The following AK9 variants were observed in gnomAD, a reference collection of about 807,000 sequenced individuals.
AK9 encodes the protein adenylate kinase 9.
In AK9, 191 loss-of-function variants were observed where a neutral mutation model predicts 239.6. That is an observed-to-expected ratio of 0.80 (90% CI 0.71 to 0.90). AK9 has a LOEUF of 0.90. AK9 is among the 40% of genes least tolerant of loss of function. The pLI is 0.00. For missense variants in AK9, 1,995 were observed against 2,214.7 expected (o/e 0.90, Z 1.99); for synonymous variants, 689 against 721.0 (o/e 0.96, Z 0.71).
At chr6:109,640,140 T>C (rs1021881533) in intron 10 of AK9, among the ~76,000 whole-genome samples, 2 of 152,212 alleles carry the variant, frequency 1.3e-5, no homozygotes, top group Non-Finnish European at 2.9e-5. Flanking sequence ...GGCTCTTTTT[T>C]GGTTCCATAT....
chr6:109,522,696 T>C (rs1314940212), intron 29 of AK9, among the ~76,000 whole-genome samples: 2 of 152,292 alleles, frequency 1.3e-5, no homozygotes, highest in East Asian at 1.9e-4. Context: ...TTATGATCAA[T>C]TGTTCTGTTT....
intron 12 of AK9, chr6:109,632,614 G>C: frequency 2.6e-6 from 1 of 385,018 alleles, no homozygotes; most frequent in Non-Finnish European, 3.9e-6. Context: ...AAACCCAGGG[G>C]ACAGAAGATG....
At chr6:109,640,997 A>T (rs980706024) in intron 10 of AK9, among the ~76,000 whole-genome samples, 1 of 151,966 alleles carries the variant, frequency 6.6e-6, no homozygotes, top group Non-Finnish European at 1.5e-5. Flanking sequence ...CCTACATGTA[A>T]TTGTTATGAT....
chr6:109,663,600 A>C (rs1439032927), intron 5 of AK9, among the ~76,000 whole-genome samples: 1 of 152,228 alleles, frequency 6.6e-6, no homozygotes, highest in Non-Finnish European at 1.5e-5. Context: ...TGACATTAAC[A>C]AATGTGATTT....
intron 17 of AK9, among the ~76,000 whole-genome samples, chr6:109,589,967 C>G (rs1039676278): frequency 6.6e-6 from 1 of 152,082 alleles, no homozygotes; most frequent in Non-Finnish European, 1.5e-5. Context: ...ATCTGGTTTG[C>G]TAGTATTTTT....
intron 24 of AK9, among the ~76,000 whole-genome samples, chr6:109,561,985 T>C (rs2128181080): frequency 6.6e-6 from 1 of 152,294 alleles, no homozygotes. Context: ...AATCTGAAAT[T>C]TGGAATGCTC....
Position 109,637,189 on chromosome 6 carries a change from T to C in AK9, c.934-3866A>G, listed in dbSNP as rs572003621. On this transcript the variant is annotated intron_variant, in intron 10 of 40. Coordinates refer to ENST00000424296, the MANE Select transcript of AK9 (RefSeq NM_001145128.3). The stretch of plus-strand genomic sequence containing the variant: ...TTCATGTACTTACTGGCTATTTATA[T>C]ATCTTCTTTAGAGAAATGTCTATTC... Among the ~76,000 whole-genome samples the C allele has an allele frequency of 4.6e-5, 7 of 152,352 alleles. No individual in the cohort carries two copies. The East Asian group carries it at 9.6e-4, about 21-fold the overall frequency.
chr6:109,563,959 A>G (rs1372284794), intron 23 of AK9, 121 bp downstream of exon 23: 7 of 1,122,632 alleles, frequency 6.2e-6, no homozygotes, highest in Non-Finnish European at 8.7e-6. Flanking sequence ...TATTTTATAC[A>G]TCAGCCTTGG....
intron 15 of AK9, 98 bp downstream of exon 15, chr6:109,614,085 T>C (rs1342568560): frequency 1.6e-6 from 2 of 1,220,518 alleles, no homozygotes; most frequent in Non-Finnish European, 2.3e-6. Flanking sequence ...AAGTTTCCAA[T>C]TTTGGGGGTA....
rs117314583 is a variant in AK9 at position 109,613,459 on chromosome 6, C to T, written c.1609+724G>A. Among the ~76,000 whole-genome samples the T allele has an allele frequency of 9.3e-3, 1,412 of 151,912 alleles. 7 individuals carry two copies. Among genetic ancestry groups the T allele is most frequent in the Non-Finnish European group, 0.015 (1,007 of 67,850 alleles). On this transcript the variant is annotated intron_variant, in intron 15 of 40. Coordinates refer to ENST00000424296, the MANE Select transcript of AK9 (RefSeq NM_001145128.3). ...ACAGAAAATACTGAGGAAACAATGA[C>T]ATGGATTTTGTATATTACTGGGGAA...
chr6:109,498,474 A>G (rs1024941921), intron 36 of AK9, among the ~76,000 whole-genome samples: 5 of 152,258 alleles, frequency 3.3e-5, no homozygotes, highest in African/African-American at 1.2e-4. Flanking sequence ...TAATTCTGCA[A>G]GGAAATAAAA....
chr6:109,675,194 T>C (rs1345221144), intron 2 of AK9, among the ~76,000 whole-genome samples: 1 of 152,184 alleles, frequency 6.6e-6, no homozygotes, highest in Non-Finnish European at 1.5e-5. Context: ...CATATGCAAA[T>C]CAAGTCTGAA....
intron 21 of AK9, among the ~76,000 whole-genome samples, chr6:109,570,374 C>A (rs949201128): frequency 6.6e-6 from 1 of 151,990 alleles, no homozygotes; most frequent in African/African-American, 2.4e-5. Context: ...CACATGTATA[C>A]ACATGTAACA....
At chr6:109,547,859 A>C (rs1783787425) in intron 25 of AK9, among the ~76,000 whole-genome samples, 1 of 151,852 alleles carries the variant, frequency 6.6e-6, no homozygotes, top group African/African-American at 2.4e-5. Context: ...AAAAAAAAAA[A>C]AAAAAACCCA....
chr6:109,655,178 A>G (rs1335603702), intron 8 of AK9, among the ~76,000 whole-genome samples: 1 of 152,200 alleles, frequency 6.6e-6, no homozygotes, highest in Non-Finnish European at 1.5e-5. Context: ...TATTTGGGGT[A>G]TAAGAGTTCT....
rs1338938914 is a variant in AK9, at chr6:109,580,070, A to G, written c.2115-444T>C. Among the ~76,000 whole-genome samples the G allele has an allele frequency of 6.6e-5, 10 of 152,324 alleles. No individual in the cohort carries two copies. The East Asian group carries it at 1.9e-3, about 29-fold the overall frequency. ...AAAAGTCTAGGAGAAAACCAATCAAATGGTCAACATGGATGATGGCATATA... is the reference window on the plus strand; with the variant it reads ...AAAAGTCTAGGAGAAAACCAATCAAGTGGTCAACATGGATGATGGCATATA... On this transcript the variant is annotated intron_variant, in intron 19 of 40. Coordinates refer to ENST00000424296, the MANE Select transcript of AK9 (RefSeq NM_001145128.3).
At chr6:109,585,296 G>A (rs963807934) in intron 18 of AK9, 59 bp from the exon 19 acceptor site, 2 of 584,916 alleles carry the variant, frequency 3.4e-6, no homozygotes, top group Admixed American at 1.1e-4. Context: ...ACAGTGAGAT[G>A]TATTTTGAAG....
chr6:109,566,950 A>C (rs1418518581), intron 21 of AK9, among the ~76,000 whole-genome samples: 7 of 152,222 alleles, frequency 4.6e-5, no homozygotes, highest in African/African-American at 1.4e-4. Flanking sequence ...GGAAAGTTAT[A>C]ACACTAAATG....
intron 29 of AK9, among the ~76,000 whole-genome samples, chr6:109,522,736 A>G (rs543306923): frequency 3.3e-5 from 5 of 151,972 alleles, no homozygotes; most frequent in African/African-American, 9.6e-5. Context: ...TTTGTTGGTG[A>G]TTTTCCTCAA....
Sources: gnomAD v4.1 joint callset for allele counts (sites outside exome capture counted in the v4.1 genomes callset) on GRCh38, gnomAD v4.1.1 for gene constraint, MANE v1.5 for transcripts, NCBI Gene and HGNC (gene_info 2026-07-23, HGNC 2026-07-21) for gene names.